NRG3: variants seen among roughly 807,000 people sequenced by gnomAD.
The protein encoded by NRG3 is pro-neuregulin-3, membrane-bound isoform.
In NRG3, 31 loss-of-function variants were observed where a neutral mutation model predicts 66.9. The ratio of observed to expected loss-of-function variants is 0.46; its 90% CI spans 0.35 to 0.63. The LOEUF (loss-of-function observed/expected upper bound fraction) is 0.63, where lower values mean the gene tolerates loss of function less well. Ranked by LOEUF, NRG3 falls within the 20% of genes least tolerant of loss-of-function variation. The pLI, the probability that NRG3 is intolerant of heterozygous loss-of-function variation, is 0.00. For missense variants in NRG3, 910 were observed against 878.9 expected, an observed-to-expected ratio of 1.04 and a Z score of -0.45; for synonymous variants, 393 against 359.4, an observed-to-expected ratio of 1.09 and a Z score of -1.06.
intron 2 of NRG3, among the ~76,000 whole-genome samples, chr10:82,687,516 T>C (rs373794902): frequency 5.3e-5 from 8 of 152,172 alleles, no homozygotes; most frequent in African/African-American, 1.9e-4. Flanking sequence ...GATTCTGTGA[T>C]TCTGCTTTTT....
chr10:81,964,397 A>G (rs1016448283), intron 1 of NRG3, among the ~76,000 whole-genome samples: 3 of 59,482 alleles, frequency 5.0e-5, no homozygotes, highest in Non-Finnish European at 5.0e-5. Flanking sequence ...CTCTGTCTCA[A>G]AAAAAAAAAA....
intron 2 of NRG3, among the ~76,000 whole-genome samples, chr10:82,538,404 C>CACAAA (rs936591371): frequency 2.6e-5 from 4 of 152,130 alleles, no homozygotes; most frequent in African/African-American, 4.8e-5. Flanking sequence ...TTTAGTTAAA[C>CACAAA]ACAAAACAAA....
At chr10:81,918,644 T>C (rs1056309061) in intron 1 of NRG3, among the ~76,000 whole-genome samples, 1 of 152,154 alleles carries the variant, frequency 6.6e-6, no homozygotes, top group Non-Finnish European at 1.5e-5. Context: ...TTCTTTGATA[T>C]TATTGGAAAA....
chr10:82,738,829 T>A (rs896697020), intron 3 of NRG3, among the ~76,000 whole-genome samples, 179 bp downstream of exon 3: 1 of 152,136 alleles, frequency 6.6e-6, no homozygotes, highest in African/African-American at 2.4e-5. Context: ...TCAGTCTAGG[T>A]CTTCTCTGAC....
chr10:82,687,315 T>C (rs2054587024), intron 2 of NRG3, among the ~76,000 whole-genome samples: 1 of 152,128 alleles, frequency 6.6e-6, no homozygotes, highest in Non-Finnish European at 1.5e-5. Context: ...CGGCTGCTCC[T>C]AGGTGCCTAA....
chr10:82,789,988 C>T (rs551503767), intron 3 of NRG3, among the ~76,000 whole-genome samples: 3 of 152,146 alleles, frequency 2.0e-5, no homozygotes, highest in African/African-American at 7.2e-5. Context: ...ACAATCTTTG[C>T]TCATGGATAG....
At chr10:82,654,712 C>T (rs1210101238) in intron 2 of NRG3, among the ~76,000 whole-genome samples, 1 of 151,846 alleles carries the variant, frequency 6.6e-6, no homozygotes, top group African/African-American at 2.4e-5. Context: ...GATTCTTTTT[C>T]CAAGGATTTC....
intron 3 of NRG3, among the ~76,000 whole-genome samples, chr10:82,822,499 C>G (rs922007828): frequency 6.6e-6 from 1 of 152,026 alleles, no homozygotes; most frequent in African/African-American, 2.4e-5. Context: ...CTCAGAGGAT[C>G]TCTGGGGTCA....
intron 1 of NRG3, among the ~76,000 whole-genome samples, chr10:82,066,322 A>G (rs781163076): frequency 6.6e-6 from 1 of 152,228 alleles, no homozygotes; most frequent in Non-Finnish European, 1.5e-5. Flanking sequence ...CATGTATTAT[A>G]TATGCATAAA....
intron 3 of NRG3, among the ~76,000 whole-genome samples, chr10:82,854,561 C>A (rs1264200638): frequency 6.6e-6 from 1 of 152,148 alleles, no homozygotes; most frequent in East Asian, 1.9e-4. Flanking sequence ...TAAGCAGACA[C>A]CATTGTGTAA....
intron 2 of NRG3, among the ~76,000 whole-genome samples, chr10:82,513,183 A>G (rs891393792): frequency 5.9e-5 from 9 of 152,068 alleles, no homozygotes; most frequent in Non-Finnish European, 1.0e-4. Context: ...TTCAGCTCTC[A>G]CTTGTAAGTG....
At chr10:82,182,312 C>T (rs1264785791) in intron 1 of NRG3, among the ~76,000 whole-genome samples, 1 of 151,404 alleles carries the variant, frequency 6.6e-6, no homozygotes, top group East Asian at 1.9e-4. Context: ...TTTTGTAGTG[C>T]TTCTGGTCCT....
chr10:82,261,747 C>T (rs1454960008), intron 1 of NRG3, among the ~76,000 whole-genome samples: 3 of 152,168 alleles, frequency 2.0e-5, no homozygotes, highest in African/African-American at 7.2e-5. Context: ...GTCCTTAAGG[C>T]ACAGATCACT....
chr10:82,696,015 C>T (rs2055352726), intron 2 of NRG3, among the ~76,000 whole-genome samples: 1 of 152,190 alleles, frequency 6.6e-6, no homozygotes. Flanking sequence ...TCATCAGTCC[C>T]TGTCTTATGT....
At chr10:82,277,516 A>G (rs968182836) in intron 1 of NRG3, among the ~76,000 whole-genome samples, 1 of 152,238 alleles carries the variant, frequency 6.6e-6, no homozygotes, top group Non-Finnish European at 1.5e-5. Flanking sequence ...AATAATAATC[A>G]TATCTTTCTC....
At chr10:82,109,066 G>A (rs913372609) in intron 1 of NRG3, among the ~76,000 whole-genome samples, 1 of 152,158 alleles carries the variant, frequency 6.6e-6, no homozygotes, top group South Asian at 2.1e-4. Context: ...CCAGTACAGA[G>A]CCTGGCACAC....
At position 82,973,852 on chromosome 10, in the gene NRG3, G is replaced by A. The variant is rs777427213; in HGVS notation, c.1349G>A (p.Gly450Asp). ...LEKMMESSFV[G>D]PQSFPEVPSP... Reference sequence around the variant, plus strand: ...AAAATGATGGAGTCAAGTTTTGTCGGCCCCCAGTCATTCCCTGAGGTCCCT... The same window carrying A: ...AAAATGATGGAGTCAAGTTTTGTCGACCCCCAGTCATTCCCTGAGGTCCCT... The change falls in exon 7 of 9, where the codon GGC (glycine) becomes GAC (aspartate). Residue 450 changes from glycine to aspartate, a missense_variant. Transcript: ENST00000372141. 1.4e-5 allele frequency: 22 copies of A among 1,613,978 alleles called. No homozygotes were observed. The South Asian group carries it at 2.4e-4, about 18-fold the overall frequency.
At chr10:82,159,306 C>G (rs2132917417) in intron 1 of NRG3, among the ~76,000 whole-genome samples, 1 of 151,978 alleles carries the variant, frequency 6.6e-6, no homozygotes, top group African/African-American at 2.4e-5. Context: ...CTCCTGACCA[C>G]TCCAACACTA....
At chr10:82,324,299 G>A in intron 1 of NRG3, among the ~76,000 whole-genome samples, 1 of 151,998 alleles carries the variant, frequency 6.6e-6, no homozygotes, top group Admixed American at 6.6e-5. Context: ...GATAATTTGT[G>A]TCTACTTTTT....
Sources: allele counts gnomAD v4.1 joint callset (sites outside exome capture counted in the v4.1 genomes callset), GRCh38; gene constraint gnomAD v4.1.1; transcripts MANE v1.5; gene names NCBI Gene and HGNC (gene_info 2026-07-23, HGNC 2026-07-21).